THOC2: variants seen among roughly 807,000 people sequenced by gnomAD.
THOC2 encodes THO complex subunit 2.
A neutral mutation model predicts 128.4 loss-of-function variants in THOC2; 10 were observed. That is an observed-to-expected ratio of 0.08 (90% confidence interval 0.05 to 0.13). The LOEUF is 0.13. Ranked by LOEUF, THOC2 falls within the 10% of genes least tolerant of loss-of-function variation. The probability of loss-of-function intolerance (pLI) is 1.00; values close to 1 mark genes in which losing one functional copy is unlikely to be tolerated. For missense variants in THOC2, 535 were observed against 1,155.7 expected (o/e 0.46, Z 7.79); for synonymous variants, 393 against 396.9 (o/e 0.99, Z 0.12).
rs1022227344 is a variant in THOC2, at chrX:123,713,264, G to A, written c.72-356C>T. Among the ~76,000 whole-genome samples the A allele has an allele frequency of 1.6e-4, 18 of 111,113 alleles. 1 individual carries two copies. The highest frequency in any genetic ancestry group is 5.2e-4 in the African/African-American group (16 of 30,589). ...AAGGCGGGAGGATTGCCTGAGCTCA[G>A]GAGTTCGAGACCAGCTTGGGCAACA... On this transcript the variant is annotated intron_variant, in intron 1 of 38. Transcript: ENST00000245838.
intron 26 of THOC2, 34 bp downstream of exon 26, chrX:123,624,507 A>G (rs1569336649): frequency 2.5e-6 from 3 of 1,181,755 alleles, no homozygotes; most frequent in Non-Finnish European, 3.4e-6. Flanking sequence ...CATTATATAC[A>G]TGGGTAAAAT....
At chrX:123,677,241 G>A in intron 8 of THOC2, among the ~76,000 whole-genome samples, 1 of 111,248 alleles carries the variant, frequency 9.0e-6, no homozygotes, top group African/African-American at 3.3e-5. Context: ...GTACACCTGT[G>A]TAGGACACCC....
At chrX:123,605,412 A>G (rs1603216011) in intron 38 of THOC2, among the ~76,000 whole-genome samples, 1 of 111,883 alleles carries the variant, frequency 8.9e-6, no homozygotes, top group East Asian at 2.8e-4. Flanking sequence ...TTTAAGTATA[A>G]AAGTTGATAA....
At chrX:123,713,915 T>G (rs1035327452) in intron 1 of THOC2, among the ~76,000 whole-genome samples, 6 of 109,421 alleles carry the variant, frequency 5.5e-5, no homozygotes, top group African/African-American at 2.0e-4. Context: ...AAAAAAAGTG[T>G]GAATCAAAAT....
chrX:123,679,683 C>T (rs899571882), intron 8 of THOC2, among the ~76,000 whole-genome samples: 3 of 111,983 alleles, frequency 2.7e-5, no homozygotes, highest in African/African-American at 3.2e-5. Flanking sequence ...ATTGTTACTG[C>T]GTCTGTGTAG....
intron 17 of THOC2, among the ~76,000 whole-genome samples, chrX:123,638,666 CAA>C (rs755670807): frequency 9.9e-6 from 1 of 101,405 alleles, no homozygotes. Context: ...CTCACACACA[CAA>C]AAAAAAAAAG....
At chrX:123,726,569 C>T (rs2052000283) in intron 1 of THOC2, among the ~76,000 whole-genome samples, 1 of 109,802 alleles carries the variant, frequency 9.1e-6, no homozygotes, top group Admixed American at 9.7e-5. Flanking sequence ...CTCACATTTT[C>T]AATAGTTTCA....
At chrX:123,698,458 A>G (rs2050542274) in intron 4 of THOC2, among the ~76,000 whole-genome samples, 1 of 91,848 alleles carries the variant, frequency 1.1e-5, no homozygotes, top group Non-Finnish European at 2.1e-5. Context: ...ACTCTGTCTC[A>G]AAAAAAAAAA....
intron 38 of THOC2, among the ~76,000 whole-genome samples, chrX:123,608,897 T>G (rs907809738): frequency 1.8e-5 from 2 of 112,445 alleles, no homozygotes; most frequent in Admixed American, 9.4e-5. Context: ...AGTTTTGCTA[T>G]AAGACCACGA....
chrX:123,637,149 G>A (rs2047704168), intron 18 of THOC2, among the ~76,000 whole-genome samples: 1 of 111,379 alleles, frequency 9.0e-6, no homozygotes, highest in Admixed American at 9.5e-5. Context: ...CGGGAAGCAG[G>A]GAAAAGATGA....
intron 12 of THOC2, among the ~76,000 whole-genome samples, chrX:123,662,972 T>G (rs1023041472): frequency 1.8e-5 from 2 of 112,145 alleles, no homozygotes; most frequent in African/African-American, 6.5e-5. Flanking sequence ...TTGGTGGGAA[T>G]GTGGAACAAT....
chrX:123,611,388 G>T, intron 37 of THOC2, 52 bp downstream of exon 37: 1 of 935,124 alleles, frequency 1.1e-6, no homozygotes, highest in Non-Finnish European at 1.5e-6. Flanking sequence ...AACATGACCA[G>T]TATCAAAGCT....
intron 21 of THOC2, among the ~76,000 whole-genome samples, chrX:123,632,530 G>T (rs1002270615): frequency 1.9e-5 from 2 of 105,042 alleles, no homozygotes; most frequent in Non-Finnish European, 3.9e-5. Context: ...AAGAGAGTGA[G>T]CATGCACAAG....
At chrX:123,697,568 C>A in intron 5 of THOC2, 113 bp downstream of exon 5, 1 of 459,720 alleles carries the variant, frequency 2.2e-6, no homozygotes, top group Non-Finnish European at 3.7e-6. Context: ...CAAATCTCAC[C>A]TTATGAGAAA....
intron 23 of THOC2, 89 bp from the exon 24 acceptor site, chrX:123,626,751 T>C (rs2047283371): frequency 3.3e-6 from 3 of 903,671 alleles, no homozygotes; most frequent in East Asian, 3.3e-5. Flanking sequence ...TAAAGGCTGA[T>C]AGTTTATAAC....
intron 12 of THOC2, among the ~76,000 whole-genome samples, chrX:123,664,555 G>A (rs777580495): frequency 2.7e-5 from 3 of 112,277 alleles, no homozygotes; most frequent in Non-Finnish European, 3.8e-5. Flanking sequence ...GATATGAACA[G>A]ACACTTCTCA....
intron 25 of THOC2, among the ~76,000 whole-genome samples, chrX:123,625,471 G>A (rs1244762669): frequency 4.5e-5 from 5 of 110,486 alleles, no homozygotes; most frequent in African/African-American, 1.6e-4. Context: ...TGACCATACT[G>A]AAAAGCTTCC....
chrX:123,689,958 C>G (rs540286883), intron 7 of THOC2, among the ~76,000 whole-genome samples: 7 of 110,555 alleles, frequency 6.3e-5, no homozygotes, highest in African/African-American at 2.0e-4. Context: ...CTACCACCAG[C>G]TACATTAATA....
intron 2 of THOC2, among the ~76,000 whole-genome samples, chrX:123,708,677 A>C (rs1321175173): frequency 1.8e-5 from 2 of 112,022 alleles, no homozygotes; most frequent in Non-Finnish European, 3.8e-5. Context: ...ATTTTGCTGA[A>C]ACTAAAGTGA....
Sources: allele counts gnomAD v4.1 joint callset (sites outside exome capture counted in the v4.1 genomes callset), GRCh38; gene constraint gnomAD v4.1.1; transcripts MANE v1.5; gene names NCBI Gene and HGNC (gene_info 2026-07-23, HGNC 2026-07-21).